CD300LG: variants seen among roughly 807,000 people sequenced by gnomAD.
CD300LG encodes CD300 molecule like family member g.
CD300LG carries 29 observed loss-of-function variants against 31.5 expected under a neutral mutation model. That is an observed-to-expected ratio of 0.92 (90% CI 0.68 to 1.25). The LOEUF is 1.25. CD300LG is among the 50% of genes most tolerant of loss of function. CD300LG has a pLI of 0.00. For synonymous variants in CD300LG, 175 were observed against 177.2 expected (o/e 0.99, Z 0.10); for missense variants, 396 against 417.6 (o/e 0.95, Z 0.45).
At position 43,852,820 on chromosome 17, in the gene CD300LG, T is replaced by G. The variant is rs539079600; in HGVS notation, c.380-92T>G. On this transcript the variant is annotated intron_variant, in intron 2 of 6. Transcript: ENST00000317310. ...AAGATGGCAGTGCTCTGTGCTGAGGTGGGGGGTAGGAAAACTGCCAGCTGC... is the reference window on the plus strand; with the variant it reads ...AAGATGGCAGTGCTCTGTGCTGAGGGGGGGGGTAGGAAAACTGCCAGCTGC... 85 of 1,002,244 alleles carry G rather than the reference T, an allele frequency of 8.5e-5. No homozygotes were observed. In the Admixed American group the frequency reaches 1.8e-3, roughly 22 times the overall value. The allele number at this position is 1,002,244 out of a possible 1,614,324, so 62.1% of individuals were successfully genotyped here.
intron 6 of CD300LG, chr17:43,857,756 C>T (rs1020274790): frequency 3.3e-6 from 5 of 1,534,752 alleles, no homozygotes; most frequent in Non-Finnish European, 4.4e-6. Flanking sequence ...AGAACAGGAC[C>T]CAGATTTCTT....
intron 2 of CD300LG, 46 bp downstream of exon 2, chr17:43,848,939 A>AT: frequency 1.3e-6 from 2 of 1,497,266 alleles, no homozygotes; most frequent in Non-Finnish European, 1.8e-6. Flanking sequence ...GGAGCTGCAG[A>AT]GGGAAGAGGG....
At chr17:43,850,651 GT>G (rs376241021) in intron 2 of CD300LG, among the ~76,000 whole-genome samples, 2,071 of 147,010 alleles carry the variant, frequency 0.014, 31 homozygotes, top group Middle Eastern at 0.041. Flanking sequence ...TTGGTTTTTT[GT>G]TTTTTTTTTA....
chr17:43,859,429 T>C (rs998314237), intron 6 of CD300LG, among the ~76,000 whole-genome samples: 1 of 152,086 alleles, frequency 6.6e-6, no homozygotes, highest in African/African-American at 2.4e-5. Context: ...TCGTCCACAG[T>C]GGAGGCAGAG....
At position 43,850,908 on chromosome 17, in the gene CD300LG, G is replaced by A. The variant is rs192433541; in HGVS notation, c.380-2004G>A. 1.6e-3 allele frequency among the ~76,000 whole-genome samples: 239 copies of A among 152,166 alleles called. 4 individuals are homozygous for A. Among genetic ancestry groups the A allele is most frequent in the Admixed American group, 0.014 (211 of 15,292 alleles). On this transcript the variant is annotated intron_variant, in intron 2 of 6. Coordinates refer to ENST00000317310, the MANE Select transcript of CD300LG (RefSeq NM_145273.4). Reference sequence around the variant, plus strand: ...TCCCAGCACTTTGGGAGGTCAAGGCGGGTGGATCACGAGGTCAGGAGTTCA... The same window carrying A: ...TCCCAGCACTTTGGGAGGTCAAGGCAGGTGGATCACGAGGTCAGGAGTTCA...
intron 6 of CD300LG, among the ~76,000 whole-genome samples, chr17:43,860,165 C>T (rs755897025): frequency 2.0e-5 from 3 of 152,172 alleles, no homozygotes. Context: ...AGGAATGTGT[C>T]ACACACCCTG....
At chr17:43,854,723 C>T (rs542395050) in intron 4 of CD300LG, among the ~76,000 whole-genome samples, 1 of 152,116 alleles carries the variant, frequency 6.6e-6, no homozygotes, top group Non-Finnish European at 1.5e-5. Context: ...CATGACCTAA[C>T]GAGTCGCTCA....
intron 2 of CD300LG, among the ~76,000 whole-genome samples, chr17:43,852,035 T>A (rs1022048013): frequency 1.3e-5 from 2 of 151,686 alleles, no homozygotes; most frequent in Non-Finnish European, 2.9e-5. Context: ...TAGGCAGAGA[T>A]GGAAAGGAAA....
intron 6 of CD300LG, chr17:43,861,368 C>T: frequency 2.6e-6 from 2 of 776,354 alleles, no homozygotes; most frequent in Non-Finnish European, 3.1e-6. Flanking sequence ...GCTCCCCAAA[C>T]CCCACACCCC....
chr17:43,858,463 C>T, intron 6 of CD300LG: 2 of 985,418 alleles, frequency 2.0e-6, no homozygotes, highest in Non-Finnish European at 2.4e-6. Context: ...TTCTGGCAAC[C>T]CTGAGAAGGG....
Position 43,853,692 on chromosome 17 carries a change from G to A in CD300LG, c.482-115G>A, listed in dbSNP as rs2046424879. ...ACTGGGGTATCCTTTAGCTGGGGAT[G>A]TTCCGAGAAACGGGTCCCAGGGAGG... On this transcript the variant is annotated intron_variant, in intron 3 of 6. Coordinates refer to ENST00000317310, the MANE Select transcript of CD300LG (RefSeq NM_145273.4). 3 of 803,278 alleles carry A rather than the reference G, an allele frequency of 3.7e-6. 1 individual carries two copies. In the South Asian group the frequency reaches 5.1e-5, roughly 14 times the overall value. The allele number at this position is 803,278 out of a possible 1,614,324, so 49.8% of individuals were successfully genotyped here.
chr17:43,859,618 G>C (rs1387695246), intron 6 of CD300LG, among the ~76,000 whole-genome samples: 5 of 152,196 alleles, frequency 3.3e-5, no homozygotes, highest in Non-Finnish European at 5.9e-5. Context: ...GTTAAAACCA[G>C]ATTGCAAAGC....
At chr17:43,854,119 C>A (rs2046443024) in intron 4 of CD300LG, 75 bp downstream of exon 4, 2 of 1,096,132 alleles carry the variant, frequency 1.8e-6, no homozygotes, top group African/African-American at 1.6e-5. Flanking sequence ...AATAGGAACT[C>A]AACACTCTTT....
chr17:43,857,896 A>G, intron 6 of CD300LG: 1 of 1,536,668 alleles, frequency 6.5e-7, no homozygotes, highest in Non-Finnish European at 8.7e-7. Flanking sequence ...GGGGCAAGAG[A>G]ATAAGGGTCC....
chr17:43,858,453 T>C, intron 6 of CD300LG: 1 of 985,424 alleles, frequency 1.0e-6, no homozygotes, highest in Non-Finnish European at 1.2e-6. Context: ...TGCTACTGCC[T>C]TCTGGCAACC....
intron 2 of CD300LG, chr17:43,849,138 T>C (rs1023147921): frequency 1.0e-4 from 60 of 577,746 alleles, no homozygotes; most frequent in Admixed American, 7.4e-4. Context: ...CCCAGATCTG[T>C]CCAGGGCTGG....
chr17:43,857,085 C>G lies in CD300LG; in HGVS notation c.833-19C>G, dbSNP rs747729883. 1 of 1,613,866 alleles carries G rather than the reference C, an allele frequency of 6.2e-7. No homozygotes were observed. ...CTACTCCTGGCTTCAAGGGGCTCCT[C>G]CTTCTACATCTCTTTCAGCTCAACA... On this transcript the variant is annotated intron_variant, in intron 5 of 6. Transcript: ENST00000317310.
chr17:43,861,031 G>T, intron 6 of CD300LG: 47 of 855,864 alleles, frequency 5.5e-5, no homozygotes, highest in East Asian at 1.2e-4. Flanking sequence ...TCCCTGCCTT[G>T]CCCACCCCTC....
chr17:43,857,302 G>C (rs2046551966), intron 6 of CD300LG, 146 bp downstream of exon 6: 1 of 1,444,012 alleles, frequency 6.9e-7, no homozygotes, highest in African/African-American at 1.4e-5. Flanking sequence ...GGAGGAATGT[G>C]TGTGAGCCCC....
Sources: allele counts gnomAD v4.1 joint callset (sites outside exome capture counted in the v4.1 genomes callset), GRCh38; gene constraint gnomAD v4.1.1; transcripts MANE v1.5; gene names NCBI Gene and HGNC (gene_info 2026-07-23, HGNC 2026-07-21).